The following EML3 variants were observed in gnomAD, a reference collection of about 807,000 sequenced individuals.
EML3 encodes EMAP like 3.
EML3 carries 53 observed loss-of-function variants against 106.7 expected under a neutral mutation model. The observed-to-expected ratio is 0.50, with a 90% confidence interval of 0.40 to 0.62. The LOEUF (loss-of-function observed/expected upper bound fraction) is 0.62, where lower values mean the gene tolerates loss of function less well. Ranked by LOEUF, EML3 falls within the 20% of genes least tolerant of loss-of-function variation. The pLI is 0.00. For synonymous variants in EML3, 499 were observed against 489.6 expected, an observed-to-expected ratio of 1.02 and a Z score of -0.25; for missense variants, 994 against 1,209.1, an observed-to-expected ratio of 0.82 and a Z score of 2.64.
chr11:62,611,370 T>C (rs184228180), intron 2 of EML3, 26 bp from the exon 3 acceptor site: 37 of 1,613,340 alleles, frequency 2.3e-5, no homozygotes, highest in Non-Finnish European at 3.1e-5. Flanking sequence ...TGAATTAACC[T>C]GAAGCCCCAG....
Position 62,605,133 on chromosome 11 carries a change from G to A in EML3, c.1962C>T (p.Ala654=), listed in dbSNP as rs562730842. The change falls in exon 16 of 22, where the codon GCC becomes GCT. Residue 654 remains alanine (A), a synonymous_variant. Transcript: ENST00000394773. The surrounding 1 kb of genome is among the most constrained non-coding windows in gnomAD (Gnocchi z 5.2). Reference sequence around the variant, plus strand: ...CTCACCTCCCCGTGTTCAGTCCTACGGCCACAACTGCCCCACTCGGGTGGA... The same window carrying A: ...CTCACCTCCCCGTGTTCAGTCCTACAGCCACAACTGCCCCACTCGGGTGGA... ...ADFHPSGAVV[A]VGLNTGRWLV... is the part of the protein sequence containing the mutation. The A allele has an allele frequency of 2.2e-5, 35 of 1,612,746 alleles. No individual in the cohort carries two copies. The highest frequency in any genetic ancestry group is 2.5e-5 in the Non-Finnish European group (30 of 1,179,360).
chr11:62,611,357 T>G lies in EML3; in HGVS notation c.195-13A>C. 10 of 1,613,208 alleles carry G rather than the reference T, an allele frequency of 6.2e-6. No homozygotes were observed. Among genetic ancestry groups the G allele is most frequent in the Non-Finnish European group, 8.5e-6 (10 of 1,179,822 alleles). The stretch of plus-strand genomic sequence containing the variant: ...GGGGGCTGCAAGACTGCTGGAGAGA[T>G]GTTGAATTAACCTGAAGCCCCAGAG... On this transcript the variant is annotated splice_polypyrimidine_tract_variant and intron_variant, in intron 2 of 21. Coordinates refer to ENST00000394773, the MANE Select transcript of EML3 (RefSeq NM_153265.3).
chr11:62,609,412 G>A lies in EML3; in HGVS notation c.700C>T (p.Arg234Cys), dbSNP rs374119034. 26 of 1,603,006 alleles carry A rather than the reference G, an allele frequency of 1.6e-5. 1 individual carries two copies. The highest frequency in any genetic ancestry group is 3.3e-4 in the Middle Eastern group (2 of 5,990). Residue 234 changes from arginine to cysteine, a missense_variant, in exon 6 of 22, where the codon CGC (arginine) becomes TGC (cysteine). Arg to Cys is a radical substitution (Grantham distance 180). Transcript: ENST00000394773. ...CCACTCGGCAGCTCCTCAAGGCTGC[G>A]GATGCCAGACGGGATGTACATGGTA... ...PITMYIPSGI[R>C]SLEELPSGPP...
In EML3 at chr11:62,603,766, G is replaced by C; in HGVS notation, c.2220C>G (p.Phe740Leu). 1 of 1,614,110 alleles carries C rather than the reference G, an allele frequency of 6.2e-7. No individual in the cohort carries two copies. The highest frequency in any genetic ancestry group is 1.7e-5 in the Admixed American group (1 of 60,008). Residue 740 changes from phenylalanine (F) to leucine (L), a missense_variant, in exon 19 of 22, where the codon TTC becomes TTG. Around this residue, in one of 3 missense-constraint regions of EML3, gnomAD observed 713 missense variants for 920.5 expected, o/e 0.77. Coordinates refer to ENST00000394773, the MANE Select transcript of EML3 (RefSeq NM_153265.3). ...CATAGTCCCCAGAATTGGACATGATGAAATTCCCATCCTTGGACCAGTCAA... is the reference window on the plus strand; with the variant it reads ...CATAGTCCCCAGAATTGGACATGATCAAATTCCCATCCTTGGACCAGTCAA... ...THLDWSKDGNFIMSNSGDYEI... is the reference protein window; with the variant it reads ...THLDWSKDGNLIMSNSGDYEI...
At chr11:62,606,007 A>G in intron 13 of EML3, 27 bp from the exon 14 acceptor site, 3 of 1,613,844 alleles carry the variant, frequency 1.9e-6, no homozygotes, top group Non-Finnish European at 8.5e-7. Flanking sequence ...GAATGTCAAG[A>G]GCCCACTGAC....
intron 4 of EML3, among the ~76,000 whole-genome samples, chr11:62,610,507 G>A (rs748453585): frequency 3.9e-5 from 6 of 152,178 alleles, no homozygotes; most frequent in Non-Finnish European, 7.3e-5. Flanking sequence ...TCTTGGGATC[G>A]CAGAAGGTGT....
rs762279161 is a variant in EML3 at position 62,607,828 on chromosome 11, G to A, written c.1207-7C>T. The A allele has an allele frequency of 1.9e-5, 31 of 1,611,380 alleles. No individual in the cohort carries two copies. Among genetic ancestry groups the A allele is most frequent in the Admixed American group, 8.4e-5 (5 of 59,880 alleles). ...GGACTGAGTCATTTGTACTCTGAAGGGAAGACACTAGATTCAGCCACCCCA... is the reference window on the plus strand; with the variant it reads ...GGACTGAGTCATTTGTACTCTGAAGAGAAGACACTAGATTCAGCCACCCCA... On this transcript the variant is annotated splice_polypyrimidine_tract_variant and splice_region_variant and intron_variant, in intron 10 of 21. Transcript: ENST00000394773.
In EML3 at chr11:62,607,729, A is replaced by G; in HGVS notation, c.1299T>C (p.Asn433=). ...CAGGAACCCCTACTCCACCACTCCA[A>G]TTCCAGAAGTGGACGTGAGATTTCC... ...TSGKSHVHFW[N]WSGGVGVPGN... is the part of the protein sequence containing the mutation. Residue 433 remains asparagine, a synonymous_variant, in exon 11 of 22, where the codon AAT becomes AAC. Coordinates refer to ENST00000394773, the MANE Select transcript of EML3 (RefSeq NM_153265.3). 6.2e-7 allele frequency: 1 copy of G among 1,613,882 alleles called. No homozygotes were observed. Among genetic ancestry groups the G allele is most frequent in the Non-Finnish European group, 8.5e-7 (1 of 1,179,932 alleles).
intron 8 of EML3, 40 bp from the exon 9 acceptor site, chr11:62,608,692 G>A (rs777630818): frequency 6.2e-7 from 1 of 1,614,088 alleles, no homozygotes. Flanking sequence ...CAAAATTGGA[G>A]TGCAATTCCA....
In EML3 at chr11:62,603,933, A is replaced by T; in HGVS notation, c.2169+11T>A. 6.2e-7 allele frequency: 1 copy of T among 1,613,818 alleles called. No homozygotes were observed. The highest frequency in any genetic ancestry group is 1.3e-5 in the African/African-American group (1 of 74,968). On this transcript the variant is annotated intron_variant, in intron 18 of 21. Transcript: ENST00000394773. ...GTTATCATGCCCCACCACACACCCC[A>T]ACTTCCTCACCATACAGCGGCCAAA...
chr11:62,606,163 G>A lies in EML3; in HGVS notation c.1556C>T (p.Ala519Val). The change falls in exon 13 of 22, where the codon GCC becomes GTC. Residue 519 changes from alanine (A) to valine (V), a missense_variant. This residue lies in a region of EML3 where 713 missense variants were observed against 920.5 expected (regional missense o/e 0.77). Coordinates refer to ENST00000394773, the MANE Select transcript of EML3 (RefSeq NM_153265.3). ...TGTCCCGTCCCTCCGGAGACACAAG[G>A]CGAAGATAGAACCTTCATGAGCGTG... is the stretch of plus-strand genomic sequence containing the variant. ...QAHAHEGSIF[A>V]LCLRRDGTVL... 1 of 1,614,044 alleles carries A rather than the reference G, an allele frequency of 6.2e-7. No individual in the cohort carries two copies. Among genetic ancestry groups the A allele is most frequent in the Non-Finnish European group, 8.5e-7 (1 of 1,180,028 alleles).
At chr11:62,602,699 G>T in intron 21 of EML3, 21 bp from the exon 22 acceptor site, 1 of 1,597,746 alleles carries the variant, frequency 6.3e-7, no homozygotes. Flanking sequence ...GGGAAGAGTT[G>T]CGGTGGCGGC....
chr11:62,602,413 C>G lies in EML3; in HGVS notation c.*62G>C, dbSNP rs1942261024. 1 of 1,543,716 alleles carries G rather than the reference C, an allele frequency of 6.5e-7. No individual in the cohort carries two copies. Among genetic ancestry groups the G allele is most frequent in the Non-Finnish European group, 8.8e-7 (1 of 1,142,730 alleles). On this transcript the variant is annotated 3_prime_UTR_variant, in exon 22 of 22. Transcript: ENST00000394773. ...GGCCCCTAGTCGTGGGGGATTGGGC[C>G]AGGGAAGGGCAGGGCGGGGCGGGGC...
Position 62,604,027 on chromosome 11 carries a change from C to G in EML3, c.2086G>C (p.Ala696Pro), listed in dbSNP as rs530217979. ...VRYSPDGLYLAIGSHDNVIYI... is the reference protein window; with the variant it reads ...VRYSPDGLYLPIGSHDNVIYI... The stretch of plus-strand genomic sequence containing the variant: ...ATCACGTTGTCATGGGAACCAATGG[C>G]CAGGTACAACCCATCTGCAAATACA... Residue 696 changes from alanine to proline, a missense_variant, in exon 18 of 22, where the codon GCC (alanine) becomes CCC (proline). By Grantham distance (27) the Ala-to-Pro change is conservative (BLOSUM62 -1). Transcript: ENST00000394773. The G allele has an allele frequency of 6.2e-7, 1 of 1,613,964 alleles. No individual in the cohort carries two copies. The highest frequency in any genetic ancestry group is 1.1e-5 in the South Asian group (1 of 91,060).
At chr11:62,603,310 G>A in intron 19 of EML3, 63 bp from the exon 20 acceptor site, 2 of 1,503,336 alleles carry the variant, frequency 1.3e-6, no homozygotes, top group Non-Finnish European at 1.8e-6. Context: ...AGATGCCAGG[G>A]AAAGCCAGAC....
chr11:62,608,478 G>A, intron 9 of EML3, 64 bp downstream of exon 9: 2 of 1,525,046 alleles, frequency 1.3e-6, no homozygotes, highest in Non-Finnish European at 1.8e-6. Flanking sequence ...AGGCTTCCTG[G>A]TGACATGCAA....
Position 62,612,578 on chromosome 11 carries a change from A to AC in EML3, c.-122dup. The AC allele has an allele frequency of 2.0e-6, 2 of 996,840 alleles. No individual in the cohort carries two copies. The highest frequency in any genetic ancestry group is 2.6e-6 in the Non-Finnish European group (2 of 755,396). 61.7% of individuals were successfully genotyped at this position (996,840 alleles called of 1,614,324 possible). ...CGCGCGCGAAGGGCGCCGTACCACC[A>AC]CCCCGAGGGGGCGCTGTCGGGCGCG... is the stretch of plus-strand genomic sequence containing the variant. On this transcript the variant is annotated 5_prime_UTR_variant, in exon 1 of 22. Coordinates refer to ENST00000394773, the MANE Select transcript of EML3 (RefSeq NM_153265.3).
intron 20 of EML3, 29 bp from the exon 21 acceptor site, chr11:62,602,918 C>T (rs1378852136): frequency 4.6e-6 from 7 of 1,510,008 alleles, no homozygotes; most frequent in Non-Finnish European, 6.2e-6. Flanking sequence ...TCAGCCCGAC[C>T]TCCTACCCAC....
At position 62,611,461 on chromosome 11, in the gene EML3, A is replaced by G; in HGVS notation, c.158T>C (p.Leu53Pro). The G allele has an allele frequency of 6.2e-7, 1 of 1,613,830 alleles. No individual in the cohort carries two copies. Among genetic ancestry groups the G allele is most frequent in the Non-Finnish European group, 8.5e-7 (1 of 1,179,924 alleles). ...LLRLQVPPSS[L>P]QGSGTPAPPG... ...AGGAGCTGGTGTGCCAGAGCCCTGC[A>G]GGGAGGAAGGGGGCACCTGCAGCCG... The change falls in exon 2 of 22, where the codon CTG becomes CCG. Residue 53 changes from leucine (L) to proline (P), a missense_variant. Physicochemically the swap from Leu to Pro is moderately conservative, Grantham distance 98. Around this residue, in one of 3 missense-constraint regions of EML3, gnomAD observed 269 missense variants for 265.1 expected, o/e 1.01. Transcript: ENST00000394773.
Sources: allele counts gnomAD v4.1 joint callset (sites outside exome capture counted in the v4.1 genomes callset), GRCh38; gene constraint gnomAD v4.1.1; regional missense constraint gnomAD v4.1.1; non-coding constraint Gnocchi (gnomAD v3.1); transcripts MANE v1.5; gene names NCBI Gene and HGNC (gene_info 2026-07-23, HGNC 2026-07-21).